WDR70: variants seen among roughly 807,000 people sequenced by gnomAD.
The protein encoded by WDR70 is WD repeat-containing protein 70.
In WDR70, 53 loss-of-function variants were observed where a neutral mutation model predicts 88.6. The ratio of observed to expected loss-of-function variants is 0.60; its 90% CI spans 0.48 to 0.75. WDR70 has a LOEUF of 0.75. WDR70 is among the 30% of genes least tolerant of loss of function. The probability of loss-of-function intolerance (pLI) is 0.00; values close to 1 mark genes in which losing one functional copy is unlikely to be tolerated. For missense variants in WDR70, 610 were observed against 823.2 expected (o/e 0.74, Z 3.17); for synonymous variants, 280 against 270.0 (o/e 1.04, Z -0.36).
At chr5:37,718,092 C>T (rs1747703356) in intron 13 of WDR70, among the ~76,000 whole-genome samples, 1 of 152,130 alleles carries the variant, frequency 6.6e-6, no homozygotes, top group African/African-American at 2.4e-5. Context: ...ATTTGCCTCT[C>T]CCTGTTTCGG....
intron 17 of WDR70, among the ~76,000 whole-genome samples, chr5:37,747,048 A>G (rs531085161): frequency 6.6e-6 from 1 of 152,334 alleles, no homozygotes; most frequent in South Asian, 2.1e-4. Context: ...CGAACCCAGC[A>G]GCACATCAAA....
chr5:37,536,834 CAAG>C (rs1472999749), intron 9 of WDR70, among the ~76,000 whole-genome samples: 1 of 151,944 alleles, frequency 6.6e-6, no homozygotes, highest in Non-Finnish European at 1.5e-5. Context: ...TTTATGTTGA[CAAG>C]AAAATTTTTT....
intron 8 of WDR70, among the ~76,000 whole-genome samples, chr5:37,490,323 C>T (rs1265395888): frequency 6.6e-6 from 1 of 152,004 alleles, no homozygotes; most frequent in African/African-American, 2.4e-5. Context: ...CAGGGAGAGT[C>T]TATCCTCAGG....
chr5:37,417,294 A>G (rs1749789444), intron 5 of WDR70, among the ~76,000 whole-genome samples: 1 of 151,436 alleles, frequency 6.6e-6, no homozygotes, highest in South Asian at 2.1e-4. Context: ...CATGCTCACT[A>G]CTCAGCTGCA....
rs1481196606 is a variant in WDR70, at chr5:37,753,097, G to C, written c.*524G>C. 1 of 152,438 alleles carries C rather than the reference G, an allele frequency of 6.6e-6. No homozygotes were observed. The highest frequency in any genetic ancestry group is 1.5e-5 in the Non-Finnish European group (1 of 68,204). 9.4% of individuals were successfully genotyped at this position (152,438 alleles called of 1,614,324 possible). A position where few individuals can be genotyped will look rare whatever the true frequency, so the allele number is the denominator to read the frequency against. ...AGCAGAATACAGTGGTTAAGAGTTAGGAGTGGGCTTTGAAGTCAGACTCAT... is the reference window on the plus strand; with the variant it reads ...AGCAGAATACAGTGGTTAAGAGTTACGAGTGGGCTTTGAAGTCAGACTCAT... On this transcript the variant is annotated 3_prime_UTR_variant, in exon 18 of 18. Coordinates refer to ENST00000265107, the MANE Select transcript of WDR70 (RefSeq NM_018034.4).
intron 17 of WDR70, among the ~76,000 whole-genome samples, chr5:37,747,839 C>T (rs1748678261): frequency 6.6e-6 from 1 of 152,030 alleles, no homozygotes; most frequent in African/African-American, 2.4e-5. Flanking sequence ...TCCTTTACAC[C>T]AACAGTAGAC....
intron 9 of WDR70, among the ~76,000 whole-genome samples, chr5:37,575,236 G>A (rs187143267): frequency 5.5e-4 from 84 of 152,200 alleles, no homozygotes; most frequent in African/African-American, 1.8e-3. Flanking sequence ...AAAAAAATAC[G>A]TATTTGGTCT....
intron 3 of WDR70, among the ~76,000 whole-genome samples, chr5:37,384,224 T>TA (rs1748532151): frequency 1.4e-5 from 2 of 145,824 alleles, no homozygotes; most frequent in Non-Finnish European, 3.0e-5. Context: ...TGCTGTTGCT[T>TA]AGACAGGTGT....
intron 10 of WDR70, among the ~76,000 whole-genome samples, chr5:37,618,493 C>A (rs1351146007): frequency 6.6e-6 from 1 of 152,144 alleles, no homozygotes; most frequent in African/African-American, 2.4e-5. Context: ...CTCAGCCTCC[C>A]AAGGAGCTGG....
chr5:37,645,057 G>A (rs1003255265), intron 10 of WDR70, among the ~76,000 whole-genome samples: 1 of 151,592 alleles, frequency 6.6e-6, no homozygotes, highest in African/African-American at 2.4e-5. Context: ...TGTTCTTTAA[G>A]GTGTACCATT....
At chr5:37,631,252 C>G (rs1274195482) in intron 10 of WDR70, among the ~76,000 whole-genome samples, 2 of 152,132 alleles carry the variant, frequency 1.3e-5, no homozygotes, top group African/African-American at 4.8e-5. Context: ...CCAGGCATCT[C>G]TAGTTAGCCT....
chr5:37,749,579 C>T (rs1034716094), intron 17 of WDR70, among the ~76,000 whole-genome samples: 6 of 151,966 alleles, frequency 3.9e-5, no homozygotes, highest in Non-Finnish European at 7.4e-5. Context: ...AAATATTATG[C>T]ATACGTATAA....
intron 13 of WDR70, among the ~76,000 whole-genome samples, chr5:37,714,695 C>T (rs939697262): frequency 5.9e-5 from 9 of 152,194 alleles, no homozygotes; most frequent in South Asian, 2.1e-4. Flanking sequence ...CGACCACCCA[C>T]CTGGGTCACT....
chr5:37,747,826 T>G (rs1748677824), intron 17 of WDR70, among the ~76,000 whole-genome samples: 1 of 152,152 alleles, frequency 6.6e-6, no homozygotes, highest in African/African-American at 2.4e-5. Flanking sequence ...AAATCACAAG[T>G]ATTCCTTTAC....
intron 3 of WDR70, among the ~76,000 whole-genome samples, chr5:37,384,435 C>A (rs368418729): frequency 6.6e-6 from 1 of 151,310 alleles, no homozygotes; most frequent in South Asian, 2.1e-4. Flanking sequence ...TTGGGAGGGG[C>A]GGATCACGAG....
chr5:37,625,818 C>G (rs1334182817), intron 10 of WDR70, among the ~76,000 whole-genome samples: 1 of 152,030 alleles, frequency 6.6e-6, no homozygotes, highest in Non-Finnish European at 1.5e-5. Context: ...CTTGAGCCAC[C>G]TCTCCCAGCC....
intron 8 of WDR70, among the ~76,000 whole-genome samples, chr5:37,496,616 T>C (rs531592401): frequency 6.6e-6 from 1 of 152,322 alleles, no homozygotes; most frequent in South Asian, 2.1e-4. Context: ...TTAAAAAGTA[T>C]CCTTTCTATT....
At chr5:37,609,755 C>T (rs1744133547) in intron 10 of WDR70, among the ~76,000 whole-genome samples, 1 of 152,176 alleles carries the variant, frequency 6.6e-6, no homozygotes, top group African/African-American at 2.4e-5. Flanking sequence ...GCAAGATTTC[C>T]CCAGCTCGGT....
chr5:37,504,663 G>A (rs1418416111), intron 8 of WDR70, among the ~76,000 whole-genome samples: 2 of 152,310 alleles, frequency 1.3e-5, no homozygotes, highest in South Asian at 2.1e-4. Context: ...TCCTTCACTT[G>A]TAAAGTTCTG....
Sources: gnomAD v4.1 joint callset for allele counts (sites outside exome capture counted in the v4.1 genomes callset) on GRCh38, gnomAD v4.1.1 for gene constraint, MANE v1.5 for transcripts, NCBI Gene and HGNC (gene_info 2026-07-23, HGNC 2026-07-21) for gene names.